The following SCARB1 variants were observed in gnomAD, a reference collection of about 807,000 sequenced individuals.
SCARB1 encodes CD36 and LIMPII analogous 1.
Under a neutral mutation model 57.2 loss-of-function variants are expected in SCARB1, and 30 were observed. The ratio of observed to expected loss-of-function variants is 0.52; its 90% confidence interval spans 0.39 to 0.71. SCARB1 has a LOEUF of 0.71. Ranked by LOEUF, SCARB1 falls within the 30% of genes least tolerant of loss-of-function variation. The pLI is 0.00. For synonymous variants in SCARB1, 249 were observed against 268.3 expected (o/e 0.93, Z 0.70); for missense variants, 543 against 671.2 (o/e 0.81, Z 2.11).
chr12:124,814,934 T>G lies in SCARB1; in HGVS notation c.426+39A>C, dbSNP rs1950646747. On this transcript the variant is annotated intron_variant, in intron 3 of 12. Coordinates refer to ENST00000261693, the MANE Select transcript of SCARB1 (RefSeq NM_005505.5). This position sits in a 1 kb window ranked among gnomAD's most constrained non-coding sequence, Gnocchi z 4.7. ...GCGGGAGGAGAGACAGGGGACGAGG[T>G]CAGGGTGCGAGGCGGCGTGGGCCAC... The G allele has an allele frequency of 6.2e-7, 1 of 1,612,908 alleles. No individual in the cohort carries two copies. The highest frequency in any genetic ancestry group is 8.5e-7 in the Non-Finnish European group (1 of 1,179,692).
chr12:124,806,469 G>T (rs541830555), intron 7 of SCARB1, among the ~76,000 whole-genome samples: 1 of 152,268 alleles, frequency 6.6e-6, no homozygotes, highest in South Asian at 2.1e-4. Context: ...AAGATGTTAC[G>T]TAACACACAG....
At chr12:124,786,131 C>T (rs1949505830) in intron 11 of SCARB1, 1 of 1,539,010 alleles carries the variant, frequency 6.5e-7, no homozygotes, top group Non-Finnish European at 8.7e-7. Flanking sequence ...AGGGAGGGTC[C>T]CAGGCCTTCC....
chr12:124,850,951 C>G (rs905790447), intron 1 of SCARB1, among the ~76,000 whole-genome samples: 2 of 152,206 alleles, frequency 1.3e-5, no homozygotes, highest in African/African-American at 4.8e-5. Flanking sequence ...CTACCTGAGT[C>G]TCTGTGGGCA....
Position 124,814,552 on chromosome 12 carries a change from G to T in SCARB1, c.427-147C>A. 1.2e-6 allele frequency: 1 copy of T among 810,532 alleles called. No individual in the cohort carries two copies. The highest frequency in any genetic ancestry group is 2.1e-6 in the Non-Finnish European group (1 of 479,678). 50.2% of individuals were successfully genotyped at this position (810,532 alleles called of 1,614,324 possible). A position where few individuals can be genotyped will look rare whatever the true frequency, so the allele number is the denominator to read the frequency against. On this transcript the variant is annotated intron_variant, in intron 3 of 12. Coordinates refer to ENST00000261693, the MANE Select transcript of SCARB1 (RefSeq NM_005505.5). The surrounding 1 kb of genome is among the most constrained non-coding windows in gnomAD (Gnocchi z 4.7). ...TGGAGTGGCCACGTGGGGCATCTGG[G>T]ACACCAGAACCACCCTCTGCTCCTC...
chr12:124,782,728 C>T lies in SCARB1; in HGVS notation c.1485G>A (p.Met495Ile). 6.2e-7 allele frequency: 1 copy of T among 1,614,128 alleles called. No individual in the cohort carries two copies. Residue 495 changes from methionine (M) to isoleucine (I), a missense_variant, in exon 12 of 13, where the codon ATG (methionine) becomes ATA (isoleucine). Transcript: ENST00000261693. Reference protein sequence around the residue: ...EAIQAYSESLMTSAPKGSVLQ... With the variant: ...EAIQAYSESLITSAPKGSVLQ... ...GCACAGAGCCCTTGGGAGCTGATGT[C>T]ATCAGGGATTCAGAATAGGCCTGAA...
chr12:124,829,372 C>T (rs1951295077), intron 1 of SCARB1, among the ~76,000 whole-genome samples: 1 of 152,162 alleles, frequency 6.6e-6, no homozygotes, highest in African/African-American at 2.4e-5. Context: ...GTTCTCCCCA[C>T]AGAATCCAAG....
intron 9 of SCARB1, among the ~76,000 whole-genome samples, chr12:124,788,544 GA>G (rs1248792296): frequency 6.6e-6 from 1 of 152,238 alleles, no homozygotes; most frequent in African/African-American, 2.4e-5. Flanking sequence ...GAGCTCTGCA[GA>G]CACTGGGACC....
At position 124,863,795 on chromosome 12, in the gene SCARB1, G is replaced by A; in HGVS notation, c.-75C>T. 1 of 1,379,464 alleles carries A rather than the reference G, an allele frequency of 7.2e-7. No homozygotes were observed. Among genetic ancestry groups the A allele is most frequent in the Non-Finnish European group, 9.3e-7 (1 of 1,071,232 alleles). The allele number at this position is 1,379,464 out of a possible 1,614,324, so 85.5% of individuals were successfully genotyped here. A position where few individuals can be genotyped will look rare whatever the true frequency, so the allele number is the denominator to read the frequency against. On this transcript the variant is annotated 5_prime_UTR_variant, in exon 1 of 13. Transcript: ENST00000261693. Reference sequence around the variant, plus strand: ...AGGAGACGGGGACGGCGACAGAGACGACACAGGCGGGGACTCCGGGCACGC... The same window carrying A: ...AGGAGACGGGGACGGCGACAGAGACAACACAGGCGGGGACTCCGGGCACGC...
At chr12:124,835,039 C>T (rs754748952) in intron 1 of SCARB1, among the ~76,000 whole-genome samples, 2 of 152,138 alleles carry the variant, frequency 1.3e-5, no homozygotes, top group African/African-American at 4.8e-5. Context: ...CCTGGTGATC[C>T]GTGTTTTAGT....
At chr12:124,834,327 G>A (rs926196694) in intron 1 of SCARB1, among the ~76,000 whole-genome samples, 23 of 152,344 alleles carry the variant, frequency 1.5e-4, no homozygotes, top group Non-Finnish European at 2.8e-4. Context: ...AGAAACAGAC[G>A]TCACCGGTGC....
In SCARB1 at chr12:124,807,261, G is replaced by A. The variant is rs1173063022; in HGVS notation, c.1009+500C>T. Among the ~76,000 whole-genome samples the A allele has an allele frequency of 2.6e-5, 4 of 152,162 alleles. No homozygotes were observed. Among genetic ancestry groups the A allele is most frequent in the East Asian group, 3.9e-4 (2 of 5,190 alleles). ...CCTGGGGTATCCAGGAGAGCACGAT[G>A]TGGTCTTAAGGGTCCTTAGAACTGG... is the stretch of plus-strand genomic sequence containing the variant. On this transcript the variant is annotated intron_variant, in intron 7 of 12. Coordinates refer to ENST00000261693, the MANE Select transcript of SCARB1 (RefSeq NM_005505.5). This position sits in a 1 kb window ranked among gnomAD's most constrained non-coding sequence, Gnocchi z 5.3.
At chr12:124,846,862 A>G (rs753643236) in intron 1 of SCARB1, among the ~76,000 whole-genome samples, 4 of 151,780 alleles carry the variant, frequency 2.6e-5, no homozygotes, top group Non-Finnish European at 5.9e-5. Flanking sequence ...ATGTGGGTGG[A>G]TCCCACAAAT....
chr12:124,846,695 C>T (rs554252692), intron 1 of SCARB1, among the ~76,000 whole-genome samples: 6 of 126,516 alleles, frequency 4.7e-5, no homozygotes, highest in African/African-American at 1.8e-4. Flanking sequence ...CGCGCCACTG[C>T]ACTCTAGCCT....
chr12:124,821,942 T>A (rs963168265), intron 1 of SCARB1, among the ~76,000 whole-genome samples: 3 of 152,152 alleles, frequency 2.0e-5, no homozygotes, highest in Non-Finnish European at 2.9e-5. Flanking sequence ...ATTCTATGAT[T>A]CTGTCCCCAC....
intron 1 of SCARB1, among the ~76,000 whole-genome samples, chr12:124,820,514 C>A: frequency 6.6e-6 from 1 of 152,114 alleles, no homozygotes; most frequent in East Asian, 1.9e-4. Context: ...CAGCTCCAGC[C>A]CCTCCCAGCT....
intron 1 of SCARB1, among the ~76,000 whole-genome samples, chr12:124,846,546 C>T (rs962576217): frequency 6.6e-6 from 1 of 151,814 alleles, no homozygotes; most frequent in African/African-American, 2.4e-5. Context: ...GTCAAGAGGT[C>T]GAGACCATCC....
chr12:124,854,422 G>T (rs1050095999), intron 1 of SCARB1, among the ~76,000 whole-genome samples: 1 of 152,206 alleles, frequency 6.6e-6, no homozygotes, highest in African/African-American at 2.4e-5. Context: ...CCTAGGGGAC[G>T]GGTCTGGCCA....
rs550695482 is a variant in SCARB1 at position 124,837,715 on chromosome 12, C to T, written c.127-20008G>A. On this transcript the variant is annotated intron_variant, in intron 1 of 12. Transcript: ENST00000261693. ...GAGCCTGGGCAACATAGTGAGGACC[C>T]CCCCTACACACCCACCCACCAACCT... Among the ~76,000 whole-genome samples the T allele has an allele frequency of 1.8e-4, 27 of 149,256 alleles. No individual in the cohort carries two copies. In the South Asian group the frequency reaches 4.1e-3, roughly 23 times the overall value.
At chr12:124,795,164 A>C in intron 9 of SCARB1, 31 bp downstream of exon 9, 1 of 1,569,188 alleles carries the variant, frequency 6.4e-7, no homozygotes, top group East Asian at 2.2e-5. Context: ...CTCAATGAGC[A>C]ATGCAGCCCC....
Sources: gnomAD v4.1 joint callset for allele counts (sites outside exome capture counted in the v4.1 genomes callset) on GRCh38, gnomAD v4.1.1 for gene constraint, Gnocchi (gnomAD v3.1) non-coding constraint, MANE v1.5 for transcripts, NCBI Gene and HGNC (gene_info 2026-07-23, HGNC 2026-07-21) for gene names.